Variants in ADK observed in about 807,000 individuals in gnomAD.
ADK encodes adenosine kinase.
A neutral mutation model predicts 44.7 loss-of-function variants in ADK; 24 were observed. The ratio of observed to expected loss-of-function variants is 0.54; its 90% CI spans 0.39 to 0.76. The LOEUF is 0.76. ADK is among the 30% of genes least tolerant of loss of function. The pLI is 0.00. For synonymous variants in ADK, 128 were observed against 142.6 expected, an observed-to-expected ratio of 0.90 and a Z score of 0.73; for missense variants, 321 against 425.1, an observed-to-expected ratio of 0.76 and a Z score of 2.15.
At chr10:74,666,335 G>A (rs1432154404) in intron 9 of ADK, among the ~76,000 whole-genome samples, 1 of 152,142 alleles carries the variant, frequency 6.6e-6, no homozygotes, top group Non-Finnish European at 1.5e-5. Context: ...CACTCTGCAA[G>A]TCTTATCTAA....
At chr10:74,307,352 A>G (rs565147043) in intron 3 of ADK, among the ~76,000 whole-genome samples, 2 of 152,254 alleles carry the variant, frequency 1.3e-5, no homozygotes, top group South Asian at 4.2e-4. Context: ...GGAAATGTCA[A>G]ATTTTGTTTC....
At chr10:74,355,960 G>T (rs990248494) in intron 4 of ADK, among the ~76,000 whole-genome samples, 1 of 143,538 alleles carries the variant, frequency 7.0e-6, no homozygotes, top group Admixed American at 7.0e-5. Context: ...CTGTGTGTGT[G>T]TATGTGTGTG....
chr10:74,521,684 A>G lies in ADK; in HGVS notation c.556-3572A>G, dbSNP rs564206982. Among the ~76,000 whole-genome samples the G allele has an allele frequency of 3.3e-5, 5 of 152,352 alleles. No homozygotes were observed. The East Asian group carries it at 7.7e-4, about 23-fold the overall frequency. ...ATTAAATGAAAGACTAAAAAGCAAGACAGTACATCCATATTACTATGGAGA... is the reference window on the plus strand; with the variant it reads ...ATTAAATGAAAGACTAAAAAGCAAGGCAGTACATCCATATTACTATGGAGA... On this transcript the variant is annotated intron_variant, in intron 6 of 10. Coordinates refer to ENST00000539909, the MANE Select transcript of ADK (RefSeq NM_006721.4).
intron 6 of ADK, among the ~76,000 whole-genome samples, chr10:74,431,257 A>G (rs186996895): frequency 9.3e-4 from 141 of 152,278 alleles, no homozygotes; most frequent in African/African-American, 3.3e-3. Context: ...TCCATTTACC[A>G]GGTTCCAAGA....
In ADK at chr10:74,708,927, C is replaced by T. The variant is rs2131807004; in HGVS notation, c.*482C>T. ...CATACATAAATATACCACATATACA[C>T]CTGATAGTCAAATAAGGTACAGAAA... On this transcript the variant is annotated 3_prime_UTR_variant, in exon 11 of 11. Coordinates refer to ENST00000539909, the MANE Select transcript of ADK (RefSeq NM_006721.4). 1 of 157,148 alleles carries T rather than the reference C, an allele frequency of 6.4e-6. No homozygotes were observed. Among genetic ancestry groups the T allele is most frequent in the South Asian group, 1.8e-4 (1 of 5,438 alleles). 9.7% of individuals were successfully genotyped at this position (157,148 alleles called of 1,614,324 possible).
At chr10:74,598,243 T>C (rs1851989821) in intron 8 of ADK, among the ~76,000 whole-genome samples, 1 of 152,130 alleles carries the variant, frequency 6.6e-6, no homozygotes, top group Non-Finnish European at 1.5e-5. Context: ...GGAATTACTG[T>C]AGAAGGAGAA....
intron 10 of ADK, among the ~76,000 whole-genome samples, chr10:74,687,314 G>A (rs1855829589): frequency 6.6e-6 from 1 of 152,150 alleles, no homozygotes; most frequent in South Asian, 2.1e-4. Flanking sequence ...GCGTCTTACT[G>A]TCTCACAGTC....
At chr10:74,597,931 A>G (rs1851978212) in intron 8 of ADK, among the ~76,000 whole-genome samples, 1 of 152,216 alleles carries the variant, frequency 6.6e-6, no homozygotes, top group Non-Finnish European at 1.5e-5. Flanking sequence ...CTATAACATT[A>G]TGATTTTTCC....
intron 5 of ADK, among the ~76,000 whole-genome samples, chr10:74,395,960 G>A (rs906354078): frequency 5.3e-5 from 8 of 152,146 alleles, no homozygotes; most frequent in Non-Finnish European, 1.2e-4. Context: ...GCAGTGAGCC[G>A]AGATTGTGCT....
At chr10:74,636,664 GA>G (rs1162093781) in intron 9 of ADK, among the ~76,000 whole-genome samples, 17 of 152,260 alleles carry the variant, frequency 1.1e-4, no homozygotes, top group African/African-American at 4.1e-4. Context: ...GTAGAAGTAT[GA>G]AAAAATAACA....
chr10:74,297,193 G>A (rs1839848346), intron 3 of ADK, among the ~76,000 whole-genome samples: 1 of 152,176 alleles, frequency 6.6e-6, no homozygotes, highest in South Asian at 2.1e-4. Context: ...AGTTTCTGAA[G>A]TGCATAACTT....
chr10:74,304,159 G>A (rs772133133), intron 3 of ADK, among the ~76,000 whole-genome samples: 1 of 152,072 alleles, frequency 6.6e-6, no homozygotes, highest in African/African-American at 2.4e-5. Flanking sequence ...TAGTACAGTG[G>A]GGATTGAGAA....
intron 7 of ADK, among the ~76,000 whole-genome samples, chr10:74,548,810 G>A (rs569580180): frequency 4.6e-5 from 7 of 152,274 alleles, no homozygotes; most frequent in African/African-American, 1.7e-4. Flanking sequence ...TTTGTTGAAC[G>A]AGTAAATGAA....
chr10:74,469,167 A>G (rs1846467767), intron 6 of ADK, among the ~76,000 whole-genome samples: 1 of 152,016 alleles, frequency 6.6e-6, no homozygotes, highest in Non-Finnish European at 1.5e-5. Context: ...GCAAAACCCC[A>G]TCCCTACAAA....
chr10:74,220,653 A>C (rs1481124017), intron 2 of ADK, among the ~76,000 whole-genome samples: 1 of 152,220 alleles, frequency 6.6e-6, no homozygotes, highest in Non-Finnish European at 1.5e-5. Context: ...CCAGCAGCAC[A>C]TCAAAAAGCT....
intron 6 of ADK, among the ~76,000 whole-genome samples, chr10:74,487,330 G>A (rs1847301320): frequency 6.6e-6 from 1 of 151,608 alleles, no homozygotes. Context: ...ATTGATAGGG[G>A]ACAACTCTAA....
At chr10:74,165,047 A>T (rs1842001220) in intron 1 of ADK, among the ~76,000 whole-genome samples, 1 of 152,136 alleles carries the variant, frequency 6.6e-6, no homozygotes, top group South Asian at 2.1e-4. Context: ...TTGGGATAGG[A>T]GCAGCGGAGG....
chr10:74,456,539 T>C, intron 6 of ADK, among the ~76,000 whole-genome samples: 1 of 150,908 alleles, frequency 6.6e-6, no homozygotes, highest in Non-Finnish European at 1.5e-5. Context: ...TGATGGCGGG[T>C]GCCTGTAGTC....
At chr10:74,644,221 C>A (rs1853979380) in intron 9 of ADK, among the ~76,000 whole-genome samples, 5 of 152,260 alleles carry the variant, frequency 3.3e-5, no homozygotes, top group Admixed American at 3.3e-4. Context: ...ATAACCCTGA[C>A]CAGGCATCTG....
Sources: gnomAD v4.1 joint callset for allele counts (sites outside exome capture counted in the v4.1 genomes callset) on GRCh38, gnomAD v4.1.1 for gene constraint, MANE v1.5 for transcripts, NCBI Gene and HGNC (gene_info 2026-07-23, HGNC 2026-07-21) for gene names.